The following DTHD1 variants were observed in gnomAD, a reference collection of about 807,000 sequenced individuals.
DTHD1 encodes the protein death domain containing 1, also known as death domain-containing protein 1.
A neutral mutation model predicts 74.8 loss-of-function variants in DTHD1; 59 were observed. The observed-to-expected ratio is 0.79, with a 90% CI of 0.64 to 0.98. The LOEUF (loss-of-function observed/expected upper bound fraction) is 0.98. Ranked by LOEUF, DTHD1 falls within the 50% of genes least tolerant of loss-of-function variation. The probability of loss-of-function intolerance (pLI) is 0.00; values close to 1 mark genes in which losing one functional copy is unlikely to be tolerated. For missense variants in DTHD1, 1,051 were observed against 1,065.4 expected (o/e 0.99, Z 0.19); for synonymous variants, 365 against 371.1 (o/e 0.98, Z 0.19).
chr4:36,297,364 C>T (rs1259806466), intron 5 of DTHD1, among the ~76,000 whole-genome samples: 1 of 152,146 alleles, frequency 6.6e-6, no homozygotes, highest in East Asian at 1.9e-4. Context: ...AACACCATAT[C>T]ATCTATCTAG....
intron 2 of DTHD1, among the ~76,000 whole-genome samples, chr4:36,288,350 G>A (rs1263821704): frequency 2.0e-5 from 3 of 152,122 alleles, no homozygotes; most frequent in African/African-American, 7.2e-5. Context: ...CTTCCGCTTC[G>A]GTCTCCCAAA....
At position 36,308,267 on chromosome 4, in the gene DTHD1, T is replaced by G; in HGVS notation, c.1869T>G (p.Ser623=). The change falls in exon 7 of 10, where the codon TCT becomes TCG. Residue 623 remains serine, a synonymous_variant. Transcript: ENST00000639862. ...DNSHLVTFVK[S]LEEAMLSTTA... ...GTCATTTGGTTACTTTTGTGAAATC[T>G]TTAGAGGAAGCCATGCTCAGCACCA... The G allele has an allele frequency of 6.4e-7, 1 of 1,552,256 alleles. No individual in the cohort carries two copies. Among genetic ancestry groups the G allele is most frequent in the Middle Eastern group, 1.7e-4 (1 of 5,998 alleles).
At chr4:36,317,958 G>A (rs1233347082) in intron 8 of DTHD1, among the ~76,000 whole-genome samples, 1 of 152,168 alleles carries the variant, frequency 6.6e-6, no homozygotes, top group Non-Finnish European at 1.5e-5. Context: ...GCATTTGACC[G>A]GGGTGGTAAG....
chr4:36,301,295 C>T (rs1319779587), intron 5 of DTHD1, among the ~76,000 whole-genome samples: 1 of 152,114 alleles, frequency 6.6e-6, no homozygotes, highest in Non-Finnish European at 1.5e-5. Flanking sequence ...GTGGGAGCTT[C>T]TATGTTCATT....
At chr4:36,338,770 C>G (rs1411723870) in intron 8 of DTHD1, among the ~76,000 whole-genome samples, 1 of 152,084 alleles carries the variant, frequency 6.6e-6, no homozygotes, top group Admixed American at 6.6e-5. Flanking sequence ...TTACAAAATA[C>G]CATCTTTACA....
In DTHD1 at chr4:36,344,193, G is replaced by A; in HGVS notation, c.*369G>A. ...CTACATAAAATTAAACTAGTTTTCT[G>A]TGACTTCAAGTGTGAGCCCAAAAAT... On this transcript the variant is annotated 3_prime_UTR_variant, in exon 10 of 10. Coordinates refer to ENST00000639862, the MANE Select transcript of DTHD1 (RefSeq NM_001170700.3). 5.6e-6 allele frequency: 1 copy of A among 179,650 alleles called. No homozygotes were observed. Among genetic ancestry groups the A allele is most frequent in the East Asian group, 1.5e-4 (1 of 6,788 alleles). 11.1% of individuals were successfully genotyped at this position (179,650 alleles called of 1,614,324 possible).
intron 5 of DTHD1, among the ~76,000 whole-genome samples, chr4:36,298,266 A>G (rs898731162): frequency 6.6e-6 from 1 of 152,064 alleles, no homozygotes; most frequent in Non-Finnish European, 1.5e-5. Context: ...GCAATAATAT[A>G]TATTCTTTTT....
At chr4:36,290,959 C>G (rs1451439748) in intron 3 of DTHD1, among the ~76,000 whole-genome samples, 1 of 152,156 alleles carries the variant, frequency 6.6e-6, no homozygotes. Context: ...GGAAACAAAA[C>G]CAAAATCATG....
rs559635503 is a variant in DTHD1, at chr4:36,290,894, G to T, written c.1218+191G>T. 1.8e-4 allele frequency among the ~76,000 whole-genome samples: 27 copies of T among 152,326 alleles called. No individual in the cohort carries two copies. The South Asian group carries it at 5.4e-3, about 30-fold the overall frequency. On this transcript the variant is annotated intron_variant, in intron 3 of 9. Transcript: ENST00000639862. The stretch of plus-strand genomic sequence containing the variant: ...CAAAGGATGGAAATGATTAGCCAAA[G>T]TTAGGAATGGAGAGCTTGGGTCGAA...
At chr4:36,287,146 G>T (rs983209309) in intron 2 of DTHD1, among the ~76,000 whole-genome samples, 5 of 151,864 alleles carry the variant, frequency 3.3e-5, no homozygotes, top group African/African-American at 1.2e-4. Flanking sequence ...CCTTTCCCCA[G>T]AGTCCCCAAA....
At chr4:36,291,972 CAG>C (rs1342090896) in intron 3 of DTHD1, among the ~76,000 whole-genome samples, 1 of 151,880 alleles carries the variant, frequency 6.6e-6, no homozygotes, top group African/African-American at 2.4e-5. Context: ...ATGAGACAGG[CAG>C]GGAATAAATG....
intron 8 of DTHD1, among the ~76,000 whole-genome samples, chr4:36,321,497 T>C (rs1758036045): frequency 2.6e-5 from 4 of 152,198 alleles, no homozygotes; most frequent in Admixed American, 2.6e-4. Flanking sequence ...AATCTGTCAC[T>C]GTCTCCCATC....
intron 7 of DTHD1, chr4:36,315,857 C>T (rs1476165318): frequency 6.4e-6 from 1 of 155,598 alleles, no homozygotes; most frequent in Non-Finnish European, 1.4e-5. Context: ...GACAATGATA[C>T]ACAAAAGTTT....
chr4:36,337,327 G>A (rs1224888583), intron 8 of DTHD1, among the ~76,000 whole-genome samples: 1 of 152,070 alleles, frequency 6.6e-6, no homozygotes, highest in African/African-American at 2.4e-5. Context: ...TTGTGCATCA[G>A]GTGAAGTACT....
At position 36,308,251 on chromosome 4, in the gene DTHD1, T is replaced by C. The variant is rs1048544394; in HGVS notation, c.1853T>C (p.Val618Ala). Residue 618 changes from valine (V) to alanine (A), a missense_variant, in exon 7 of 10, where the codon GTT (valine) becomes GCT (alanine). Transcript: ENST00000639862. ...TCCACCATGGACAATAGTCATTTGGTTACTTTTGTGAAATCTTTAGAGGAA... is the reference window on the plus strand; with the variant it reads ...TCCACCATGGACAATAGTCATTTGGCTACTTTTGTGAAATCTTTAGAGGAA... The part of the protein sequence containing the change: ...LSSTMDNSHL[V>A]TFVKSLEEAM... The C allele has an allele frequency of 2.6e-6, 4 of 1,552,318 alleles. No individual in the cohort carries two copies. The highest frequency in any genetic ancestry group is 2.4e-5 in the South Asian group (2 of 84,068).
chr4:36,294,701 G>A, intron 4 of DTHD1, 94 bp from the exon 5 acceptor site: 1 of 1,210,976 alleles, frequency 8.3e-7, no homozygotes, highest in East Asian at 2.6e-5. Flanking sequence ...ATAAAACTAT[G>A]CTGCATAGAA....
intron 1 of DTHD1, among the ~76,000 whole-genome samples, chr4:36,282,853 T>A (rs962305923): frequency 1.3e-5 from 2 of 152,194 alleles, no homozygotes; most frequent in African/African-American, 2.4e-5. Context: ...AGCCATCAGC[T>A]GCAGCCCACA....
rs186383078 is a variant in DTHD1 at position 36,304,235 on chromosome 4, T to C, written c.1644-1956T>C. Among the ~76,000 whole-genome samples, 252 of 152,318 alleles carry C rather than the reference T, an allele frequency of 1.7e-3. 1 individual carries two copies. The highest frequency in any genetic ancestry group is 5.8e-3 in the African/African-American group (243 of 41,578). ...CAGAAAAAAATTACATTGAAGTCAA[T>C]TTCTAGTAAATGACCAATATTCTGG... On this transcript the variant is annotated intron_variant, in intron 5 of 9. Transcript: ENST00000639862.
chr4:36,282,132 C>CT, intron 1 of DTHD1, 103 bp downstream of exon 1: 1 of 1,005,734 alleles, frequency 9.9e-7, no homozygotes. Flanking sequence ...GATAGAGTTT[C>CT]TGTCCACAAG....
Sources: gnomAD v4.1 joint callset for allele counts (sites outside exome capture counted in the v4.1 genomes callset) on GRCh38, gnomAD v4.1.1 for gene constraint, MANE v1.5 for transcripts, NCBI Gene and HGNC (gene_info 2026-07-23, HGNC 2026-07-21) for gene names.